SORBS2: variants seen among roughly 807,000 people sequenced by gnomAD.
SORBS2 encodes the protein sorbin and SH3 domain containing 2.
Under a neutral mutation model 97.7 loss-of-function variants are expected in SORBS2, and 46 were observed. The observed-to-expected ratio is 0.47, with a 90% CI of 0.37 to 0.60. The LOEUF is 0.60. Among genes scored for constraint, SORBS2 ranks in the 20% least tolerant of loss-of-function variants. The pLI is 0.00. For synonymous variants in SORBS2, 476 were observed against 473.4 expected (o/e 1.01, Z -0.07); for missense variants, 1,316 against 1,282.3 (o/e 1.03, Z -0.40).
At chr4:185,913,072 C>T (rs1426277562) in intron 1 of SORBS2, among the ~76,000 whole-genome samples, 1 of 152,120 alleles carries the variant, frequency 6.6e-6, no homozygotes, top group Non-Finnish European at 1.5e-5. Context: ...TCTTGCTGTG[C>T]TGAAATTGAT....
At chr4:185,680,475 T>C (rs556448797) in intron 2 of SORBS2, among the ~76,000 whole-genome samples, 5 of 152,280 alleles carry the variant, frequency 3.3e-5, no homozygotes, top group African/African-American at 9.6e-5. Flanking sequence ...CCATCCACTG[T>C]GGACAATGAA....
At chr4:185,682,792 C>G (rs1228790393) in intron 2 of SORBS2, among the ~76,000 whole-genome samples, 1 of 151,928 alleles carries the variant, frequency 6.6e-6, no homozygotes, top group Non-Finnish European at 1.5e-5. Context: ...GGGCGGATCA[C>G]TTGAGGTCAG....
intron 1 of SORBS2, among the ~76,000 whole-genome samples, chr4:185,866,613 A>G (rs748215266): frequency 2.0e-5 from 3 of 152,258 alleles, no homozygotes; most frequent in African/African-American, 4.8e-5. Context: ...TAGGCAAAAC[A>G]GAGACAGTTT....
chr4:185,696,805 T>A (rs1272288830), intron 2 of SORBS2, among the ~76,000 whole-genome samples: 5 of 152,214 alleles, frequency 3.3e-5, no homozygotes, highest in African/African-American at 7.2e-5. Context: ...CGGAACAACA[T>A]CTAAGTATTT....
At chr4:185,809,146 C>A (rs2099168659) in intron 1 of SORBS2, among the ~76,000 whole-genome samples, 1 of 152,026 alleles carries the variant, frequency 6.6e-6, no homozygotes, top group African/African-American at 2.4e-5. Context: ...TAGGTCAAGT[C>A]TATATTTACA....
chr4:185,721,556 C>A (rs1161437466), intron 2 of SORBS2, among the ~76,000 whole-genome samples: 1 of 152,188 alleles, frequency 6.6e-6, no homozygotes, highest in Non-Finnish European at 1.5e-5. Context: ...CAGAGCCCCT[C>A]CTTTTCGTCA....
At chr4:185,603,473 T>G (rs1330187030) in intron 12 of SORBS2, among the ~76,000 whole-genome samples, 1 of 152,234 alleles carries the variant, frequency 6.6e-6, no homozygotes, top group Non-Finnish European at 1.5e-5. Flanking sequence ...AGCACATAGA[T>G]AGACTATGTC....
chr4:185,711,055 G>A (rs1051452060), intron 2 of SORBS2, among the ~76,000 whole-genome samples: 11 of 152,052 alleles, frequency 7.2e-5, no homozygotes, highest in Non-Finnish European at 1.5e-4. Flanking sequence ...CTGCAGCCTT[G>A]ACTGCCTGGA....
At chr4:185,686,857 G>T (rs749891449) in intron 2 of SORBS2, among the ~76,000 whole-genome samples, 1 of 152,164 alleles carries the variant, frequency 6.6e-6, no homozygotes, top group Admixed American at 6.5e-5. Flanking sequence ...GGGTGTTGGG[G>T]GGTAGTTCCT....
rs1014975595 is a variant in SORBS2, at chr4:185,883,157, A to G, written c.-338+73039T>C. On this transcript the variant is annotated intron_variant, in intron 1 of 20. Transcript: ENST00000284776. Reference sequence around the variant, plus strand: ...GAAAAATTTTTGCAAAATACTTATCAGGAGAAGAACTTATATTTAAACCAT... The same window carrying G: ...GAAAAATTTTTGCAAAATACTTATCGGGAGAAGAACTTATATTTAAACCAT... Among the ~76,000 whole-genome samples the G allele has an allele frequency of 2.6e-5, 4 of 152,324 alleles. No individual in the cohort carries two copies. In the East Asian group the frequency reaches 5.8e-4, roughly 22 times the overall value.
intron 1 of SORBS2, among the ~76,000 whole-genome samples, chr4:185,916,122 T>A (rs1017069482): frequency 4.0e-5 from 6 of 151,854 alleles, no homozygotes; most frequent in African/African-American, 1.5e-4. Flanking sequence ...CTGGAGGAAA[T>A]TAGAGGGCCA....
At chr4:185,743,960 C>T (rs1206294096) in intron 2 of SORBS2, among the ~76,000 whole-genome samples, 1 of 145,184 alleles carries the variant, frequency 6.9e-6, no homozygotes, top group Non-Finnish European at 1.5e-5. Context: ...CCTTCTTCTC[C>T]TTCTCCTTCT....
At chr4:185,788,603 T>C (rs190351337) in intron 1 of SORBS2, among the ~76,000 whole-genome samples, 10 of 152,342 alleles carry the variant, frequency 6.6e-5, no homozygotes, top group South Asian at 2.1e-4. Flanking sequence ...GCAGCTGAGT[T>C]CACTTTATAG....
intron 1 of SORBS2, among the ~76,000 whole-genome samples, chr4:185,929,794 A>C (rs1315106458): frequency 1.3e-5 from 2 of 152,136 alleles, no homozygotes; most frequent in Non-Finnish European, 2.9e-5. Flanking sequence ...TTGGCCCCTC[A>C]AAGTGCTGGG....
chr4:185,605,429 C>T (rs1189040561), intron 12 of SORBS2, among the ~76,000 whole-genome samples: 1 of 151,926 alleles, frequency 6.6e-6, no homozygotes, highest in Non-Finnish European at 1.5e-5. Context: ...ATTACAGGCA[C>T]CCAACACCAT....
chr4:185,783,072 C>A (rs2099038925), intron 1 of SORBS2, among the ~76,000 whole-genome samples: 1 of 152,178 alleles, frequency 6.6e-6, no homozygotes, highest in Non-Finnish European at 1.5e-5. Flanking sequence ...ACTATGACCA[C>A]AGAAGTTAAT....
intron 2 of SORBS2, among the ~76,000 whole-genome samples, chr4:185,704,928 C>T (rs1441803845): frequency 4.6e-5 from 7 of 152,342 alleles, no homozygotes; most frequent in Admixed American, 3.3e-4. Flanking sequence ...AGGAGTTATA[C>T]TGTTGCTTCA....
intron 4 of SORBS2, chr4:185,677,061 G>A (rs1184097925): frequency 6.4e-7 from 1 of 1,551,532 alleles, no homozygotes; most frequent in Non-Finnish European, 8.7e-7. Flanking sequence ...TTGCTGAAGA[G>A]GTATCTTTGC....
intron 1 of SORBS2, among the ~76,000 whole-genome samples, chr4:185,920,489 G>A (rs1047552963): frequency 2.6e-5 from 4 of 152,090 alleles, no homozygotes; most frequent in Non-Finnish European, 4.4e-5. Context: ...ATCTTGCATC[G>A]CCATACAAAG....
Sources: allele counts gnomAD v4.1 joint callset (sites outside exome capture counted in the v4.1 genomes callset), GRCh38; gene constraint gnomAD v4.1.1; transcripts MANE v1.5; gene names NCBI Gene and HGNC (gene_info 2026-07-23, HGNC 2026-07-21).